CDH13: variants seen among roughly 807,000 people sequenced by gnomAD.
CDH13 encodes the protein cadherin-13.
CDH13 carries 24 observed loss-of-function variants against 63.8 expected under a neutral mutation model. The observed-to-expected ratio is 0.38, with a 90% CI of 0.27 to 0.53. CDH13 has a LOEUF of 0.53. Ranked by LOEUF, CDH13 falls within the 20% of genes least tolerant of loss-of-function variation. CDH13 has a pLI of 0.85. For missense variants in CDH13, 1,049 were observed against 903.1 expected (o/e 1.16, Z -2.07); for synonymous variants, 503 against 355.3 (o/e 1.42, Z -4.67).
chr16:83,377,038 T>C (rs374962021), intron 6 of CDH13, among the ~76,000 whole-genome samples: 5 of 152,114 alleles, frequency 3.3e-5, no homozygotes, highest in South Asian at 4.1e-4. Flanking sequence ...GCACTATTCA[T>C]GGGAATAAAG....
chr16:83,437,387 A>C (rs2072337670), intron 6 of CDH13, among the ~76,000 whole-genome samples: 1 of 152,216 alleles, frequency 6.6e-6, no homozygotes, highest in African/African-American at 2.4e-5. Context: ...TTAATAAGAT[A>C]AAGGCTGGCC....
intron 4 of CDH13, among the ~76,000 whole-genome samples, chr16:83,190,743 C>A (rs939968861): frequency 3.9e-5 from 6 of 152,122 alleles, no homozygotes; most frequent in Non-Finnish European, 7.4e-5. Flanking sequence ...GTGAAGATTG[C>A]AATTAGTTAA....
intron 1 of CDH13, among the ~76,000 whole-genome samples, chr16:82,787,423 G>A (rs12933198): frequency 0.28 from 42,533 of 152,032 alleles, 6,326 homozygotes; most frequent in East Asian, 0.52. Flanking sequence ...AGAAATTTCC[G>A]TCACAGAAGG....
chr16:82,672,382 C>G lies in CDH13; in HGVS notation c.45+45245C>G, dbSNP rs146787608. Among the ~76,000 whole-genome samples, 298 of 152,248 alleles carry G rather than the reference C, an allele frequency of 2.0e-3. 3 individuals carry two copies. The highest frequency in any genetic ancestry group is 6.9e-3 in the African/African-American group (287 of 41,538). On this transcript the variant is annotated intron_variant, in intron 1 of 13. Coordinates refer to ENST00000567109, the MANE Select transcript of CDH13 (RefSeq NM_001257.5). ...TCTATTTTGATTTTATTCCTAAACT[C>G]CCATGTATGCACCACCACCTTAAAC...
chr16:83,560,055 C>A (rs1173719006), intron 7 of CDH13, among the ~76,000 whole-genome samples: 1 of 152,130 alleles, frequency 6.6e-6, no homozygotes, highest in Non-Finnish European at 1.5e-5. Flanking sequence ...CCTGCAACAC[C>A]CCAGCTCCTT....
intron 2 of CDH13, among the ~76,000 whole-genome samples, chr16:83,010,139 A>AAAAAAAAAAAC (rs1913981787): frequency 1.2e-5 from 1 of 80,132 alleles, no homozygotes; most frequent in Non-Finnish European, 3.1e-5. Flanking sequence ...CTGTCTCAAA[A>AAAAAAAAAAAC]AAAAAAAAAA....
At chr16:82,717,966 A>G (rs777301370) in intron 1 of CDH13, among the ~76,000 whole-genome samples, 12 of 152,204 alleles carry the variant, frequency 7.9e-5, no homozygotes, top group Admixed American at 2.0e-4. Flanking sequence ...ATGTCACCCA[A>G]TGAGACCTGA....
chr16:83,054,048 C>G (rs2030667806), intron 3 of CDH13, among the ~76,000 whole-genome samples: 1 of 152,100 alleles, frequency 6.6e-6, no homozygotes, highest in African/African-American at 2.4e-5. Context: ...CAACTGCATA[C>G]AGTATTCAGC....
chr16:83,278,731 C>T (rs1455603700), intron 5 of CDH13, among the ~76,000 whole-genome samples: 1 of 152,090 alleles, frequency 6.6e-6, no homozygotes, highest in African/African-American at 2.4e-5. Flanking sequence ...CAAGTGTGGC[C>T]AAATATGTTA....
chr16:83,707,909 T>C (rs1907376642), intron 10 of CDH13, among the ~76,000 whole-genome samples: 1 of 147,392 alleles, frequency 6.8e-6, no homozygotes, highest in African/African-American at 2.5e-5. Flanking sequence ...TTTATTTTCC[T>C]TCTACCCTAA....
At chr16:83,480,408 G>A (rs756879131) in intron 6 of CDH13, among the ~76,000 whole-genome samples, 24 of 152,086 alleles carry the variant, frequency 1.6e-4, no homozygotes, top group African/African-American at 4.8e-4. Context: ...GTCCTCAGCC[G>A]GGCCACTGGC....
intron 4 of CDH13, among the ~76,000 whole-genome samples, chr16:83,177,989 G>C (rs1273600944): frequency 6.6e-6 from 1 of 152,084 alleles, no homozygotes; most frequent in Non-Finnish European, 1.5e-5. Context: ...AGGATGAGTG[G>C]GTAGTAGATG....
At chr16:82,637,138 T>C (rs906306701) in intron 1 of CDH13, among the ~76,000 whole-genome samples, 4 of 152,202 alleles carry the variant, frequency 2.6e-5, no homozygotes, top group African/African-American at 9.6e-5. Context: ...GCCAGGATCC[T>C]ACAGCTGTCT....
At chr16:83,033,542 C>T (rs1597186934) in intron 3 of CDH13, among the ~76,000 whole-genome samples, 2 of 152,100 alleles carry the variant, frequency 1.3e-5, no homozygotes, top group Non-Finnish European at 2.9e-5. Context: ...TATATACATA[C>T]ACATGGTATA....
chr16:83,584,214 C>G (rs1240815295), intron 7 of CDH13, among the ~76,000 whole-genome samples: 1 of 151,726 alleles, frequency 6.6e-6, no homozygotes, highest in Middle Eastern at 3.5e-3. Flanking sequence ...GCCTGTAGTC[C>G]CAAACTAAGG....
At chr16:82,946,125 CTT>C (rs1470486767) in intron 2 of CDH13, among the ~76,000 whole-genome samples, 1 of 151,544 alleles carries the variant, frequency 6.6e-6, no homozygotes, top group African/African-American at 2.4e-5. Flanking sequence ...TCCCCTGTGT[CTT>C]TTGCAACATG....
intron 6 of CDH13, among the ~76,000 whole-genome samples, chr16:83,370,565 C>A (rs1242862760): frequency 6.6e-6 from 1 of 152,072 alleles, no homozygotes; most frequent in Non-Finnish European, 1.5e-5. Context: ...TTTCATCACC[C>A]AGGTAATAAG....
intron 1 of CDH13, among the ~76,000 whole-genome samples, chr16:82,788,749 G>A (rs2036145534): frequency 6.6e-6 from 1 of 152,214 alleles, no homozygotes; most frequent in African/African-American, 2.4e-5. Flanking sequence ...GGTGCTTAGA[G>A]TGCCACATGA....
chr16:83,511,098 ACACATGCACGCATG>A (rs1391188766), intron 7 of CDH13, among the ~76,000 whole-genome samples: 1 of 112,976 alleles, frequency 8.9e-6, no homozygotes, highest in Non-Finnish European at 1.8e-5. Context: ...ACACACATGC[ACACATGCACGCATG>A]CACACACATG....
Sources: gnomAD v4.1 joint callset for allele counts (sites outside exome capture counted in the v4.1 genomes callset) on GRCh38, gnomAD v4.1.1 for gene constraint, MANE v1.5 for transcripts, NCBI Gene and HGNC (gene_info 2026-07-23, HGNC 2026-07-21) for gene names.